The following PYGB variants were observed in gnomAD, a reference collection of about 807,000 sequenced individuals.
The protein encoded by PYGB is glycogen phosphorylase, brain form.
A neutral mutation model predicts 94.3 loss-of-function variants in PYGB; 82 were observed. The observed-to-expected ratio is 0.87, with a 90% confidence interval of 0.73 to 1.04. PYGB has a LOEUF of 1.04. PYGB is among the 50% of genes least tolerant of loss of function. The probability of loss-of-function intolerance (pLI) is 0.00; values close to 1 mark genes in which losing one functional copy is unlikely to be tolerated. For synonymous variants in PYGB, 488 were observed against 479.1 expected (o/e 1.02, Z -0.24); for missense variants, 1,132 against 1,158.2 (o/e 0.98, Z 0.33).
intron 16 of PYGB, 88 bp from the exon 17 acceptor site, chr20:25,292,318 G>T: frequency 1.4e-6 from 2 of 1,473,606 alleles, no homozygotes; most frequent in Non-Finnish European, 1.9e-6. Flanking sequence ...AGCCCCGGGT[G>T]GATGGGCCGG....
At chr20:25,273,859 T>C (rs1406479223) in intron 4 of PYGB, among the ~76,000 whole-genome samples, 1 of 152,214 alleles carries the variant, frequency 6.6e-6, no homozygotes, top group African/African-American at 2.4e-5. Context: ...TTTAATAATT[T>C]TTTTTTAGAG....
intron 7 of PYGB, 70 bp from the exon 8 acceptor site, chr20:25,278,249 G>T: frequency 1.8e-6 from 1 of 548,604 alleles, no homozygotes; most frequent in Non-Finnish European, 2.5e-6. Flanking sequence ...GAGCCAGGTC[G>T]CTGACCTGGG....
rs774305263 is a variant in PYGB at position 25,292,440 on chromosome 20, C to T, written c.2004C>T (p.Ser668=). Residue 668 remains serine (S), a synonymous_variant, in exon 17 of 20, where the codon TCC becomes TCT. Coordinates refer to ENST00000216962, the MANE Select transcript of PYGB (RefSeq NM_002862.4). ...CCGCTGATCTGTCGCAGCAGATCTC[C>T]ACTGCAGGCACCGAGGCCTCAGGCA... is the stretch of plus-strand genomic sequence containing the variant. ...IPAADLSQQI[S]TAGTEASGTG... The T allele has an allele frequency of 1.2e-6, 2 of 1,613,448 alleles. No homozygotes were observed. The highest frequency in any genetic ancestry group is 1.1e-5 in the South Asian group (1 of 91,090).
At chr20:25,274,915 C>G (rs6050515) in intron 5 of PYGB, among the ~76,000 whole-genome samples, 192 bp downstream of exon 5, 17,672 of 152,274 alleles carry the variant, frequency 0.12, 1,937 homozygotes, top group African/African-American at 0.29. Context: ...GCTTCCCAAA[C>G]AGTGGAAGCG....
At chr20:25,275,099 G>T (rs2088299297) in intron 5 of PYGB, among the ~76,000 whole-genome samples, 1 of 152,236 alleles carries the variant, frequency 6.6e-6, no homozygotes, top group South Asian at 2.1e-4. Flanking sequence ...CCCAGGGTGG[G>T]CGAAAACAGC....
Position 25,292,457 on chromosome 20 carries a change from C to T in PYGB, c.2021C>T (p.Ala674Val), listed in dbSNP as rs765996158. The change falls in exon 17 of 20, where the codon GCC (alanine) becomes GTC (valine). Residue 674 changes from alanine (A) to valine (V), a missense_variant. Transcript: ENST00000216962. ...SQQISTAGTE[A>V]SGTGNMKFML... ...CAGATCTCCACTGCAGGCACCGAGG[C>T]CTCAGGCACAGGCAACATGAAGTTC... 6.2e-7 allele frequency: 1 copy of T among 1,613,616 alleles called. No individual in the cohort carries two copies. Among genetic ancestry groups the T allele is most frequent in the Non-Finnish European group, 8.5e-7 (1 of 1,180,024 alleles).
intron 1 of PYGB, among the ~76,000 whole-genome samples, chr20:25,254,898 A>G (rs2092898887): frequency 6.6e-6 from 1 of 152,172 alleles, no homozygotes; most frequent in Non-Finnish European, 1.5e-5. Context: ...GAACCAAGTG[A>G]TCTCTTAAGA....
Position 25,283,156 on chromosome 20 carries a change from G to A in PYGB, c.1519-20G>A, listed in dbSNP as rs1220270662. ...CAGGAGGCTGAGGCCCACAGTGAGCGGAACCTTTACGTTCTCCAGAAAATT... is the reference window on the plus strand; with the variant it reads ...CAGGAGGCTGAGGCCCACAGTGAGCAGAACCTTTACGTTCTCCAGAAAATT... On this transcript the variant is annotated intron_variant, in intron 12 of 19. Transcript: ENST00000216962. 1.7e-5 allele frequency: 27 copies of A among 1,600,522 alleles called. No homozygotes were observed. In the East Asian group the frequency reaches 2.9e-4, roughly 17 times the overall value.
rs2088507563 is a variant in PYGB, at chr20:25,294,381, A to G, written c.2312+89A>G. 2.1e-6 allele frequency: 3 copies of G among 1,454,204 alleles called. No individual in the cohort carries two copies. In the African/African-American group the frequency reaches 4.3e-5, roughly 21 times the overall value. 90.1% of individuals were successfully genotyped at this position (1,454,204 alleles called of 1,614,324 possible). On this transcript the variant is annotated intron_variant, in intron 18 of 19. Transcript: ENST00000216962. ...GGGTTGGATATTCCACCTTGTTTGG[A>G]GAGCAAAACCCGTGCTTTCAGGACG...
At position 25,278,421 on chromosome 20, in the gene PYGB, C is replaced by T. The variant is rs757243502; in HGVS notation, c.958C>T (p.Arg320Trp). The change falls in exon 8 of 20, where the codon CGG (arginine) becomes TGG (tryptophan). Residue 320 changes from arginine (R) to tryptophan (W), a missense_variant. By Grantham distance (101) the Arg-to-Trp change is moderately radical. Coordinates refer to ENST00000216962, the MANE Select transcript of PYGB (RefSeq NM_002862.4). The stretch of plus-strand genomic sequence containing the variant: ...CTTCAAGTCGTCCAAGTTCGGCTGC[C>T]GGGACCCTGTGAGAACCTGTTTCGA... ...RRFKSSKFGC[R>W]DPVRTCFETF... 5.6e-6 allele frequency: 9 copies of T among 1,614,084 alleles called. No individual in the cohort carries two copies. The highest frequency in any genetic ancestry group is 3.3e-5 in the Admixed American group (2 of 60,014).
At chr20:25,294,021 G>A in intron 17 of PYGB, 137 bp from the exon 18 acceptor site, 1 of 1,202,294 alleles carries the variant, frequency 8.3e-7, no homozygotes, top group Non-Finnish European at 1.2e-6. Context: ...GCCACTGGCT[G>A]CTGCCCTGGA....
At position 25,280,429 on chromosome 20, in the gene PYGB, C is replaced by T; in HGVS notation, c.1239+17C>T. ...CACCTGGACGTGAGTGTGGGCCCAGCTGGCCGTGTAGGGTGGCGGCTACAC... is the reference window on the plus strand; with the variant it reads ...CACCTGGACGTGAGTGTGGGCCCAGTTGGCCGTGTAGGGTGGCGGCTACAC... On this transcript the variant is annotated intron_variant, in intron 10 of 19. Transcript: ENST00000216962. 6.2e-7 allele frequency: 1 copy of T among 1,613,284 alleles called. No homozygotes were observed.
chr20:25,289,624 G>C (rs2088447800), intron 15 of PYGB, among the ~76,000 whole-genome samples: 1 of 151,814 alleles, frequency 6.6e-6, no homozygotes, highest in Non-Finnish European at 1.5e-5. Flanking sequence ...AGTGTGGGCA[G>C]CAGAGCCAGA....
rs201318470 is a variant in PYGB, at chr20:25,277,248, C to T, written c.777C>T (p.Asn259=). The change falls in exon 7 of 20, where the codon AAC becomes AAT. Residue 259 remains asparagine, a synonymous_variant. Transcript: ENST00000216962. ...APNDFKLQDF[N]VGDYIEAVLD... is the part of the protein sequence containing the mutation. ...CCCCGCTCCATTTCTTCTTAGTCAA[C>T]GTGGGAGACTACATCGAGGCGGTCC... is the stretch of plus-strand genomic sequence containing the variant. 23 of 1,561,906 alleles carry T rather than the reference C, an allele frequency of 1.5e-5. No individual in the cohort carries two copies. Among genetic ancestry groups the T allele is most frequent in the Admixed American group, 1.3e-4 (8 of 59,914 alleles).
intron 11 of PYGB, 123 bp downstream of exon 11, chr20:25,281,235 C>G (rs2088364591): frequency 1.5e-6 from 2 of 1,311,214 alleles, no homozygotes; most frequent in Non-Finnish European, 2.1e-6. Flanking sequence ...TAGGCCCCTG[C>G]CTCCATAGGA....
intron 19 of PYGB, among the ~76,000 whole-genome samples, chr20:25,295,888 G>A (rs145117315): frequency 2.5e-3 from 386 of 152,346 alleles, no homozygotes; most frequent in Non-Finnish European, 4.4e-3. Flanking sequence ...TAATGGCCAA[G>A]AAAGGAATGT....
rs200544904 is a variant in PYGB, at chr20:25,297,906, C to T, written c.*1384C>T. The T allele has an allele frequency of 7.2e-5, 11 of 152,324 alleles. No homozygotes were observed. Among genetic ancestry groups the T allele is most frequent in the Non-Finnish European group, 1.5e-5 (1 of 68,118 alleles). The allele number at this position is 152,324 out of a possible 1,614,324, so 9.4% of individuals were successfully genotyped here. ...GCGGCTCTGTGGAGGAGGCCATACTCCCCTAGTTGGCCACTGGGGCCACCA... is the reference window on the plus strand; with the variant it reads ...GCGGCTCTGTGGAGGAGGCCATACTTCCCTAGTTGGCCACTGGGGCCACCA... On this transcript the variant is annotated 3_prime_UTR_variant, in exon 20 of 20. Coordinates refer to ENST00000216962, the MANE Select transcript of PYGB (RefSeq NM_002862.4).
intron 1 of PYGB, among the ~76,000 whole-genome samples, chr20:25,255,563 G>A (rs1166603842): frequency 6.6e-6 from 1 of 152,204 alleles, no homozygotes; most frequent in South Asian, 2.1e-4. Flanking sequence ...GTCACTCTGT[G>A]CCCATGTAGG....
chr20:25,248,603 T>C (rs1276490721), intron 1 of PYGB, among the ~76,000 whole-genome samples, 182 bp downstream of exon 1: 6 of 149,458 alleles, frequency 4.0e-5, no homozygotes, highest in Non-Finnish European at 5.9e-5. Flanking sequence ...GGCCCGGGCG[T>C]CCCCTGCGCA....
Sources: allele counts gnomAD v4.1 joint callset (sites outside exome capture counted in the v4.1 genomes callset), GRCh38; gene constraint gnomAD v4.1.1; transcripts MANE v1.5; gene names NCBI Gene and HGNC (gene_info 2026-07-23, HGNC 2026-07-21).